NFIB: variants seen among roughly 807,000 people sequenced by gnomAD.
NFIB encodes the protein nuclear factor I B, also known as nuclear factor 1 B-type.
Under a neutral mutation model 61.5 loss-of-function variants are expected in NFIB, and 11 were observed. The ratio of observed to expected loss-of-function variants is 0.18; its 90% confidence interval spans 0.11 to 0.30. The LOEUF is 0.30. Among genes scored for constraint, NFIB ranks in the 10% least tolerant of loss-of-function variants. NFIB has a pLI of 1.00. For missense variants in NFIB, 471 were observed against 608.9 expected (o/e 0.77, Z 2.38); for synonymous variants, 260 against 216.5 (o/e 1.20, Z -1.76).
chr9:14,098,461 A>G (rs1020576199), intron 10 of NFIB, among the ~76,000 whole-genome samples: 8 of 152,192 alleles, frequency 5.3e-5, no homozygotes, highest in Non-Finnish European at 8.8e-5. Context: ...TTTTTCATTC[A>G]ATTATATTGA....
At chr9:14,097,996 A>ATTT (rs1335324894) in intron 10 of NFIB, among the ~76,000 whole-genome samples, 1 of 151,410 alleles carries the variant, frequency 6.6e-6, no homozygotes, top group Non-Finnish European at 1.5e-5. Context: ...ATAAACGACA[A>ATTT]TTTCTTAGAA....
At position 14,342,004 on chromosome 9, in the gene NFIB, T is replaced by C. The variant is rs58218518; in HGVS notation, c.109-34484A>G. ...AATACCAAGAAAACAGCATTCCCAA[T>C]TGGGAAGTTGTGGGTCAGGACAATA... On this transcript the variant is annotated intron_variant, in intron 1 of 8. Coordinates refer to the NFIB transcript ENST00000380934. 9.4e-3 allele frequency among the ~76,000 whole-genome samples: 1,432 copies of C among 152,072 alleles called. 23 individuals are homozygous for C. The highest frequency in any genetic ancestry group is 0.032 in the African/African-American group (1,326 of 41,468).
chr9:14,310,103 C>T (rs2060211946), intron 1 of NFIB, among the ~76,000 whole-genome samples: 1 of 152,114 alleles, frequency 6.6e-6, no homozygotes, highest in African/African-American at 2.4e-5. Flanking sequence ...TAATCTATCA[C>T]ACAAGAAAGC....
chr9:14,160,859 A>G (rs575227960), intron 3 of NFIB, among the ~76,000 whole-genome samples: 2 of 150,576 alleles, frequency 1.3e-5, no homozygotes, highest in East Asian at 4.0e-4. Flanking sequence ...AAACAGAAAA[A>G]AAGAAGAAAG....
chr9:14,160,884 C>A (rs1182114076), intron 3 of NFIB, among the ~76,000 whole-genome samples: 1 of 149,438 alleles, frequency 6.7e-6, no homozygotes, highest in Non-Finnish European at 1.5e-5. Context: ...TCAAAAGCCA[C>A]TGCAACCCAC....
chr9:14,130,781 G>C (rs1264973523), intron 6 of NFIB, among the ~76,000 whole-genome samples: 1 of 152,158 alleles, frequency 6.6e-6, no homozygotes, highest in Non-Finnish European at 1.5e-5. Flanking sequence ...ACTGTATTAT[G>C]AAGTGATGAC....
intron 1 of NFIB, among the ~76,000 whole-genome samples, chr9:14,355,972 TA>T (rs377112705): frequency 0.084 from 8,120 of 97,054 alleles, 184 homozygotes; most frequent in African/African-American, 0.11. Flanking sequence ...AACAAACAAA[TA>T]AAAAAAAAAA....
chr9:14,412,764 A>G, the NFIB span, among the ~76,000 whole-genome samples: 1 of 152,180 alleles, frequency 6.6e-6, no homozygotes, highest in Non-Finnish European at 1.5e-5. Flanking sequence ...AGGGCATGGG[A>G]TACGTAATTA....
At chr9:14,187,702 GT>G (rs1171037058) in intron 2 of NFIB, among the ~76,000 whole-genome samples, 1 of 152,068 alleles carries the variant, frequency 6.6e-6, no homozygotes, top group African/African-American at 2.4e-5. Flanking sequence ...ATAAGGATTT[GT>G]TAGCGCTCAA....
intron 2 of NFIB, among the ~76,000 whole-genome samples, chr9:14,187,437 T>C (rs2047501880): frequency 6.6e-6 from 1 of 152,196 alleles, no homozygotes; most frequent in African/African-American, 2.4e-5. Flanking sequence ...CTTTCTGTTG[T>C]TTAACATTGA....
intron 2 of NFIB, among the ~76,000 whole-genome samples, chr9:14,230,019 G>A (rs1313865204): frequency 2.6e-5 from 4 of 152,120 alleles, no homozygotes; most frequent in Non-Finnish European, 5.9e-5. Context: ...GTTCATGGCT[G>A]GTTTTGAACT....
At chr9:14,321,678 G>A (rs2060663975) in intron 1 of NFIB, among the ~76,000 whole-genome samples, 1 of 152,146 alleles carries the variant, frequency 6.6e-6, no homozygotes, top group Non-Finnish European at 1.5e-5. Context: ...GGACCACAAT[G>A]TTACTCACTG....
At chr9:14,477,175 G>C in the NFIB span, among the ~76,000 whole-genome samples, 3 of 152,134 alleles carry the variant, frequency 2.0e-5, no homozygotes, top group Admixed American at 6.5e-5. Context: ...GTGTGTAGGG[G>C]ATAGCATTCC....
chr9:14,181,519 G>A (rs561459633), intron 2 of NFIB, among the ~76,000 whole-genome samples: 4 of 152,042 alleles, frequency 2.6e-5, no homozygotes, highest in Non-Finnish European at 4.4e-5. Context: ...AATCTTCTTC[G>A]TTCTACATTC....
the NFIB span, among the ~76,000 whole-genome samples, chr9:14,444,640 A>G: frequency 6.6e-6 from 1 of 152,192 alleles, no homozygotes; most frequent in Non-Finnish European, 1.5e-5. Flanking sequence ...CTTACGTGAT[A>G]TAGCCAACAC....
At chr9:14,501,996 T>G in the NFIB span, among the ~76,000 whole-genome samples, 1 of 152,266 alleles carries the variant, frequency 6.6e-6, no homozygotes, top group African/African-American at 2.4e-5. Flanking sequence ...GAGAGAAGAT[T>G]TGAATTGGAT....
chr9:14,113,190 A>G, intron 9 of NFIB, 109 bp from the exon 10 acceptor site: 1 of 831,618 alleles, frequency 1.2e-6, no homozygotes, highest in Non-Finnish European at 1.8e-6. Flanking sequence ...CAAAAAAAAA[A>G]AGTGTCTTCA....
rs2032988793 is a variant in NFIB, at chr9:14,087,197, T to C, written c.*1112A>G. ...CCAGTAATTTTAAATAAATAAATTC[T>C]ACCTCCAAGGAGGCTGCAGCTAAAC... On this transcript the variant is annotated 3_prime_UTR_variant, in exon 11 of 11. Coordinates refer to ENST00000380953, the MANE Select transcript of NFIB (RefSeq NM_001190737.2). 2.0e-5 allele frequency: 4 copies of C among 201,312 alleles called. No individual in the cohort carries two copies. In the East Asian group the frequency reaches 3.1e-4, roughly 15 times the overall value. The allele number at this position is 201,312 out of a possible 1,614,324, so 12.5% of individuals were successfully genotyped here.
chr9:14,347,004 C>A (rs868817295), intron 1 of NFIB, among the ~76,000 whole-genome samples: 1 of 151,854 alleles, frequency 6.6e-6, no homozygotes, highest in African/African-American at 2.4e-5. Flanking sequence ...CCTAGGGAGA[C>A]GAAACTAGGC....
Sources: allele counts gnomAD v4.1 joint callset (sites outside exome capture counted in the v4.1 genomes callset), GRCh38; gene constraint gnomAD v4.1.1; transcripts MANE v1.5; gene names NCBI Gene and HGNC (gene_info 2026-07-23, HGNC 2026-07-21).